Variants in MARCHF6 observed in about 807,000 individuals in gnomAD.
The protein encoded by MARCHF6 is membrane associated ring-CH-type finger 6, also known as E3 ubiquitin-protein ligase MARCHF6.
In MARCHF6, 31 loss-of-function variants were observed where a neutral mutation model predicts 133.7. That is an observed-to-expected ratio of 0.23 (90% confidence interval 0.17 to 0.31). The LOEUF (loss-of-function observed/expected upper bound fraction) is 0.31. MARCHF6 is among the 10% of genes least tolerant of loss of function. The pLI is 1.00. For missense variants in MARCHF6, 723 were observed against 1,121.6 expected (o/e 0.64, Z 5.08); for synonymous variants, 395 against 402.5 (o/e 0.98, Z 0.22).
chr5:10,359,541 TA>T (rs1735684860), intron 1 of MARCHF6, among the ~76,000 whole-genome samples: 1 of 152,214 alleles, frequency 6.6e-6, no homozygotes, highest in South Asian at 2.1e-4. Context: ...TTGCTCCTTC[TA>T]AGCTACACAG....
At chr5:10,425,464 G>C (rs567520578) in intron 23 of MARCHF6, among the ~76,000 whole-genome samples, 1 of 152,186 alleles carries the variant, frequency 6.6e-6, no homozygotes, top group African/African-American at 2.4e-5. Context: ...TTTCTCTTGC[G>C]TATGTGCGTG....
At chr5:10,360,999 TAGAAC>T in intron 1 of MARCHF6, among the ~76,000 whole-genome samples, 1 of 152,296 alleles carries the variant, frequency 6.6e-6, no homozygotes, top group Admixed American at 6.5e-5. Flanking sequence ...ATAATACAGT[TAGAAC>T]AGAAAGAGTT....
At chr5:10,423,850 A>C in intron 23 of MARCHF6, 26 bp downstream of exon 23, 1 of 1,536,314 alleles carries the variant, frequency 6.5e-7, no homozygotes, top group Non-Finnish European at 9.0e-7. Context: ...TTTCAGAGAA[A>C]GACATTCTGG....
intron 1 of MARCHF6, among the ~76,000 whole-genome samples, chr5:10,356,129 G>A (rs1006893198): frequency 6.6e-6 from 1 of 151,976 alleles, no homozygotes; most frequent in African/African-American, 2.4e-5. Flanking sequence ...AAATGATATA[G>A]CAAAGATGCC....
At chr5:10,355,001 T>G (rs1735361300) in intron 1 of MARCHF6, among the ~76,000 whole-genome samples, 1 of 152,216 alleles carries the variant, frequency 6.6e-6, no homozygotes, top group South Asian at 2.1e-4. Flanking sequence ...TGGCACTTGA[T>G]GTACATTCGC....
rs370692066 is a variant in MARCHF6, at chr5:10,426,967, A to T, written c.2506+445A>T. ...CACTGTCTTGTTGATTGTGTAGTGA[A>T]GACTCCTCATAGCTCCTTAAACCCA... is the stretch of plus-strand genomic sequence containing the variant. On this transcript the variant is annotated intron_variant, in intron 24 of 25. Coordinates refer to ENST00000274140, the MANE Select transcript of MARCHF6 (RefSeq NM_005885.4). Among the ~76,000 whole-genome samples, 8 of 152,374 alleles carry T rather than the reference A, an allele frequency of 5.3e-5. No individual in the cohort carries two copies. The East Asian group carries it at 9.6e-4, about 18-fold the overall frequency.
intron 1 of MARCHF6, among the ~76,000 whole-genome samples, chr5:10,358,917 A>C (rs1735648621): frequency 6.6e-6 from 1 of 152,216 alleles, no homozygotes; most frequent in Non-Finnish European, 1.5e-5. Context: ...CACAGTTGAG[A>C]GATGTAAAGA....
intron 16 of MARCHF6, among the ~76,000 whole-genome samples, chr5:10,406,071 G>A (rs907529328): frequency 2.6e-5 from 4 of 152,046 alleles, no homozygotes; most frequent in Admixed American, 6.6e-5. Flanking sequence ...TCATGGGAGC[G>A]GGAACCCTAT....
At chr5:10,420,899 C>T (rs1418928906) in intron 22 of MARCHF6, among the ~76,000 whole-genome samples, 1 of 152,206 alleles carries the variant, frequency 6.6e-6, no homozygotes, top group Non-Finnish European at 1.5e-5. Flanking sequence ...TTTCTAATAG[C>T]ATCTGATACA....
At position 10,439,928 on chromosome 5, in the gene MARCHF6, T is replaced by C. The variant is rs957740954; in HGVS notation, c.*6244T>C. The C allele has an allele frequency of 1.3e-5, 2 of 152,330 alleles. No individual in the cohort carries two copies. Among genetic ancestry groups the C allele is most frequent in the Non-Finnish European group, 2.9e-5 (2 of 68,082 alleles). The allele number at this position is 152,330 out of a possible 1,614,324, so 9.4% of individuals were successfully genotyped here. On this transcript the variant is annotated 3_prime_UTR_variant, in exon 26 of 26. Transcript: ENST00000274140. ...TACTATTTGCAATACCCAAATGTTC[T>C]TCAGGCTCTTTAGCCTCTTCATTTC...
Position 10,377,753 on chromosome 5 carries a change from A to G in MARCHF6, c.20-45A>G, listed in dbSNP as rs761962967. On this transcript the variant is annotated intron_variant, in intron 1 of 25. Transcript: ENST00000274140. ...TATGCTTGTTTCTTGCTTTTTTAAAAAAGTTATAACCAAAGGAAATTCAAT... is the reference window on the plus strand; with the variant it reads ...TATGCTTGTTTCTTGCTTTTTTAAAGAAGTTATAACCAAAGGAAATTCAAT... 5 of 1,409,820 alleles carry G rather than the reference A, an allele frequency of 3.5e-6. No homozygotes were observed. The African/African-American group carries it at 5.7e-5, about 16-fold the overall frequency. The allele number at this position is 1,409,820 out of a possible 1,614,324, so 87.3% of individuals were successfully genotyped here.
At chr5:10,357,126 C>T (rs1250322272) in intron 1 of MARCHF6, among the ~76,000 whole-genome samples, 2 of 151,976 alleles carry the variant, frequency 1.3e-5, no homozygotes, top group Middle Eastern at 3.2e-3. Context: ...ATTTGCCCTC[C>T]TCATTTTATG....
chr5:10,397,481 C>A, intron 10 of MARCHF6, 137 bp downstream of exon 10: 2 of 621,018 alleles, frequency 3.2e-6, no homozygotes, highest in Non-Finnish European at 5.2e-6. Flanking sequence ...GTTTCAGATA[C>A]AAACCCTGTA....
chr5:10,428,603 G>A (rs1740216602), intron 24 of MARCHF6, among the ~76,000 whole-genome samples: 1 of 151,988 alleles, frequency 6.6e-6, no homozygotes, highest in Non-Finnish European at 1.5e-5. Flanking sequence ...CGGCCGCCCA[G>A]AGTGCTGGGA....
intron 1 of MARCHF6, among the ~76,000 whole-genome samples, chr5:10,373,620 G>T (rs1210419650): frequency 6.6e-6 from 1 of 152,102 alleles, no homozygotes; most frequent in African/African-American, 2.4e-5. Flanking sequence ...CATACCCCAG[G>T]CCATAGTCAA....
At position 10,433,855 on chromosome 5, in the gene MARCHF6, G is replaced by T; in HGVS notation, c.*171G>T. The T allele has an allele frequency of 1.6e-6, 1 of 606,270 alleles. No homozygotes were observed. The highest frequency in any genetic ancestry group is 3.0e-6 in the Non-Finnish European group (1 of 337,690). The allele number at this position is 606,270 out of a possible 1,614,324, so 37.6% of individuals were successfully genotyped here. A position where few individuals can be genotyped will look rare whatever the true frequency, so the allele number is the denominator to read the frequency against. On this transcript the variant is annotated 3_prime_UTR_variant, in exon 26 of 26. Coordinates refer to ENST00000274140, the MANE Select transcript of MARCHF6 (RefSeq NM_005885.4). ...GTGTAAGATTCTGCTGTTCTCCCTG[G>T]ATCTTCTGACATTACTGCTGTCTGA...
chr5:10,372,100 G>C (rs1309800381), intron 1 of MARCHF6, among the ~76,000 whole-genome samples: 1 of 151,230 alleles, frequency 6.6e-6, no homozygotes, highest in East Asian at 1.9e-4. Flanking sequence ...AGACATGGAA[G>C]ATCAAATGCC....
At position 10,433,748 on chromosome 5, in the gene MARCHF6, G is replaced by C; in HGVS notation, c.*64G>C. ...TCCTTTTTTGTGGACTTCTCTCTTT[G>C]GAGATTTTTCCCAGTGATCTCTCAG... On this transcript the variant is annotated 3_prime_UTR_variant, in exon 26 of 26. Transcript: ENST00000274140. 1 of 1,360,704 alleles carries C rather than the reference G, an allele frequency of 7.3e-7. No homozygotes were observed. Among genetic ancestry groups the C allele is most frequent in the South Asian group, 1.2e-5 (1 of 85,092 alleles). The allele number at this position is 1,360,704 out of a possible 1,614,324, so 84.3% of individuals were successfully genotyped here. A position where few individuals can be genotyped will look rare whatever the true frequency, so the allele number is the denominator to read the frequency against.
chr5:10,420,749 A>G (rs1739782785), intron 22 of MARCHF6, among the ~76,000 whole-genome samples: 1 of 152,218 alleles, frequency 6.6e-6, no homozygotes, highest in Non-Finnish European at 1.5e-5. Flanking sequence ...GCATTATTCA[A>G]ACCACAGAAA....
Sources: gnomAD v4.1 joint callset for allele counts (sites outside exome capture counted in the v4.1 genomes callset) on GRCh38, gnomAD v4.1.1 for gene constraint, MANE v1.5 for transcripts, NCBI Gene and HGNC (gene_info 2026-07-23, HGNC 2026-07-21) for gene names.